Variants in CSMD1 observed in about 807,000 individuals in gnomAD.
CSMD1 encodes CUB and Sushi multiple domains 1.
Under a neutral mutation model 417.5 loss-of-function variants are expected in CSMD1, and 213 were observed. That is an observed-to-expected ratio of 0.51 (90% CI 0.46 to 0.57). The LOEUF is 0.57. Among genes scored for constraint, CSMD1 ranks in the 20% least tolerant of loss-of-function variants. The pLI is 0.00. For synonymous variants in CSMD1, 2,862 were observed against 1,736.8 expected, an observed-to-expected ratio of 1.65 and a Z score of -16.11; for missense variants, 6,923 against 4,529.7, an observed-to-expected ratio of 1.53 and a Z score of -15.17.
chr8:4,718,240 A>T (rs974240822), intron 1 of CSMD1, among the ~76,000 whole-genome samples: 3 of 152,170 alleles, frequency 2.0e-5, no homozygotes, highest in Admixed American at 2.0e-4. Context: ...GCCTCCCAAA[A>T]TGTTGGGATT....
chr8:4,029,769 T>C (rs1441041379), intron 4 of CSMD1, among the ~76,000 whole-genome samples: 2 of 152,176 alleles, frequency 1.3e-5, no homozygotes, highest in South Asian at 2.1e-4. Context: ...TTCCGAACTC[T>C]TATCTGAGAC....
intron 3 of CSMD1, among the ~76,000 whole-genome samples, chr8:4,136,894 A>G (rs548536628): frequency 4.5e-4 from 69 of 152,346 alleles, no homozygotes; most frequent in African/African-American, 1.6e-3. Context: ...AAACTTAACA[A>G]AGAAAACAGT....
intron 7 of CSMD1, among the ~76,000 whole-genome samples, chr8:3,634,282 C>T (rs901219702): frequency 6.6e-6 from 1 of 152,202 alleles, no homozygotes; most frequent in Admixed American, 6.5e-5. Flanking sequence ...TATTGGAGCA[C>T]CCCTCTGGTA....
At chr8:3,750,748 G>C (rs1392412419) in intron 6 of CSMD1, among the ~76,000 whole-genome samples, 2 of 152,190 alleles carry the variant, frequency 1.3e-5, no homozygotes, top group South Asian at 4.2e-4. Flanking sequence ...CCGTGTGGAG[G>C]GCTGGGTGGC....
chr8:4,891,651 G>A (rs1804131826), intron 1 of CSMD1, among the ~76,000 whole-genome samples: 4 of 151,980 alleles, frequency 2.6e-5, no homozygotes, highest in Admixed American at 2.6e-4. Flanking sequence ...CAAATTTATT[G>A]AAATTGGAAA....
chr8:4,939,223 C>G (rs906337356), intron 1 of CSMD1, among the ~76,000 whole-genome samples: 1 of 152,094 alleles, frequency 6.6e-6, no homozygotes, highest in Non-Finnish European at 1.5e-5. Flanking sequence ...ATTAGTAAAG[C>G]AAATATGGAA....
intron 3 of CSMD1, among the ~76,000 whole-genome samples, chr8:4,172,856 G>A (rs926456993): frequency 6.6e-5 from 10 of 152,104 alleles, no homozygotes; most frequent in South Asian, 4.1e-4. Flanking sequence ...GTCCACAGCC[G>A]TGTGCGTAGG....
At position 4,830,862 on chromosome 8, in the gene CSMD1, G is replaced by A. The variant is rs545987909; in HGVS notation, c.85+163470C>T. On this transcript the variant is annotated intron_variant, in intron 1 of 69. Transcript: ENST00000635120. Reference sequence around the variant, plus strand: ...AATCAGCTAAGTGAAGAAATTCTGGGAAAAAAGAAAATCAAGATGATTCCT... The same window carrying A: ...AATCAGCTAAGTGAAGAAATTCTGGAAAAAAAGAAAATCAAGATGATTCCT... Among the ~76,000 whole-genome samples the A allele has an allele frequency of 2.6e-5, 4 of 152,142 alleles. No individual in the cohort carries two copies. The South Asian group carries it at 6.2e-4, about 24-fold the overall frequency.
intron 2 of CSMD1, among the ~76,000 whole-genome samples, chr8:4,565,530 T>C (rs574091655): frequency 8.3e-4 from 126 of 152,052 alleles, no homozygotes; most frequent in African/African-American, 2.8e-3. Flanking sequence ...AGGTCAGGTG[T>C]TTGAGACAAG....
intron 7 of CSMD1, among the ~76,000 whole-genome samples, chr8:3,675,910 C>T (rs1799349506): frequency 6.6e-6 from 1 of 152,174 alleles, no homozygotes; most frequent in Admixed American, 6.5e-5. Flanking sequence ...TCTCTCTCAG[C>T]ACTGTCCCAT....
chr8:3,650,404 C>G (rs1432915506), intron 7 of CSMD1, among the ~76,000 whole-genome samples: 5 of 152,024 alleles, frequency 3.3e-5, no homozygotes, highest in Non-Finnish European at 7.4e-5. Flanking sequence ...TATGACATGG[C>G]AAAAAGTCAT....
intron 12 of CSMD1, among the ~76,000 whole-genome samples, chr8:3,410,764 G>T (rs578123084): frequency 5.9e-5 from 9 of 152,148 alleles, no homozygotes; most frequent in Admixed American, 5.9e-4. Context: ...TTTGAGACAG[G>T]ATCTCACTCT....
rs576452804 is a variant in CSMD1, at chr8:3,612,539, T to C, written c.1097+4171A>G. Among the ~76,000 whole-genome samples, 4 of 152,274 alleles carry C rather than the reference T, an allele frequency of 2.6e-5. No individual in the cohort carries two copies. In the South Asian group the frequency reaches 6.2e-4, roughly 24 times the overall value. On this transcript the variant is annotated intron_variant, in intron 8 of 69. Coordinates refer to ENST00000635120, the MANE Select transcript of CSMD1 (RefSeq NM_033225.6). ...AGTGGTCATGGAACATTTACCAAGA[T>C]AGAGCATATTCTTGCCCATAAAGCA...
intron 7 of CSMD1, among the ~76,000 whole-genome samples, chr8:3,696,414 T>C (rs1254292500): frequency 6.6e-6 from 1 of 152,236 alleles, no homozygotes; most frequent in African/African-American, 2.4e-5. Flanking sequence ...TTAGTTTTCT[T>C]CTCTGACATA....
intron 8 of CSMD1, among the ~76,000 whole-genome samples, chr8:3,605,191 T>C (rs1409078862): frequency 1.3e-5 from 2 of 152,182 alleles, no homozygotes; most frequent in African/African-American, 4.8e-5. Flanking sequence ...AGGGTTTCCC[T>C]GTTTTGACTA....
chr8:2,940,479 G>C (rs1225940653), intron 69 of CSMD1, among the ~76,000 whole-genome samples: 1 of 152,098 alleles, frequency 6.6e-6, no homozygotes, highest in African/African-American at 2.4e-5. Flanking sequence ...ACCCAGAGGA[G>C]GCATCACATT....
chr8:2,992,978 C>T (rs1228438173), intron 54 of CSMD1, among the ~76,000 whole-genome samples: 1 of 152,118 alleles, frequency 6.6e-6, no homozygotes, highest in Non-Finnish European at 1.5e-5. Context: ...AGTGATCTCC[C>T]TGCCTCAGCC....
intron 2 of CSMD1, among the ~76,000 whole-genome samples, chr8:4,508,855 C>G (rs1008782943): frequency 6.6e-6 from 1 of 151,976 alleles, no homozygotes; most frequent in Non-Finnish European, 1.5e-5. Flanking sequence ...GGAATGTAAG[C>G]TTTCTGGAAG....
At chr8:3,881,357 C>T (rs530885058) in intron 5 of CSMD1, among the ~76,000 whole-genome samples, 33 of 151,012 alleles carry the variant, frequency 2.2e-4, no homozygotes, top group South Asian at 1.0e-3. Flanking sequence ...AAGTTGGGGC[C>T]GGGTGCGGTG....
Sources: gnomAD v4.1 joint callset for allele counts (sites outside exome capture counted in the v4.1 genomes callset) on GRCh38, gnomAD v4.1.1 for gene constraint, MANE v1.5 for transcripts, NCBI Gene and HGNC (gene_info 2026-07-23, HGNC 2026-07-21) for gene names.